Variants in MAN1C1 observed in about 807,000 individuals in gnomAD.
The protein encoded by MAN1C1 is mannosidase alpha class 1C member 1.
In MAN1C1, 49 loss-of-function variants were observed where a neutral mutation model predicts 71.5. That is an observed-to-expected ratio of 0.69 (90% CI 0.54 to 0.87). The LOEUF is 0.87. Ranked by LOEUF, MAN1C1 falls within the 40% of genes least tolerant of loss-of-function variation. The pLI is 0.00. For synonymous variants in MAN1C1, 352 were observed against 343.7 expected (o/e 1.02, Z -0.27); for missense variants, 743 against 835.0 (o/e 0.89, Z 1.36).
intron 2 of MAN1C1, among the ~76,000 whole-genome samples, chr1:25,697,172 C>G (rs2046380906): frequency 1.3e-5 from 2 of 151,950 alleles, no homozygotes; most frequent in Non-Finnish European, 2.9e-5. Context: ...ATGGCAGTTA[C>G]TCCTCATTTC....
chr1:25,618,251 C>T lies in MAN1C1; in HGVS notation c.454C>T (p.Leu152Phe), dbSNP rs776875346. Residue 152 changes from leucine (L) to phenylalanine (F), a missense_variant, in exon 1 of 12, where the codon CTC becomes TTC. Leu to Phe is a conservative substitution (Grantham distance 22, BLOSUM62 0). Coordinates refer to ENST00000374332, the MANE Select transcript of MAN1C1 (RefSeq NM_020379.4). Reference protein sequence around the residue: ...RFDFNAFRSRLRHPVLGTRAD... With the variant: ...RFDFNAFRSRFRHPVLGTRAD... The stretch of plus-strand genomic sequence containing the variant: ...TGACTTCAACGCATTCCGGAGCCGT[C>T]TCCGCCACCCGGTCCTGGGAACGAG... The T allele has an allele frequency of 1.2e-6, 2 of 1,602,980 alleles. No homozygotes were observed. The highest frequency in any genetic ancestry group is 1.7e-5 in the Admixed American group (1 of 57,884).
intron 2 of MAN1C1, among the ~76,000 whole-genome samples, chr1:25,742,651 A>T (rs1221485401): frequency 2.6e-5 from 4 of 152,226 alleles, no homozygotes; most frequent in Admixed American, 6.5e-5. Context: ...TAACCCTCCC[A>T]GGAGCCTTAT....
At chr1:25,742,542 A>G (rs777735874) in intron 2 of MAN1C1, among the ~76,000 whole-genome samples, 2 of 152,192 alleles carry the variant, frequency 1.3e-5, no homozygotes, top group African/African-American at 4.8e-5. Flanking sequence ...CACTGACCCA[A>G]GAAGATTTTT....
At chr1:25,767,466 A>ACTCCCCT in intron 7 of MAN1C1, among the ~76,000 whole-genome samples, 1 of 116,194 alleles carries the variant, frequency 8.6e-6, no homozygotes, top group Admixed American at 1.1e-4. Flanking sequence ...ACAGACCCAC[A>ACTCCCCT]CACCCACACT....
At chr1:25,677,531 G>A (rs2223484) in intron 1 of MAN1C1, among the ~76,000 whole-genome samples, 2,420 of 152,144 alleles carry the variant, frequency 0.016, 66 homozygotes, top group African/African-American at 0.055. Flanking sequence ...GATTGGTTCC[G>A]ACTGTCATGT....
At chr1:25,667,786 G>A (rs1259595813) in intron 1 of MAN1C1, among the ~76,000 whole-genome samples, 1 of 152,158 alleles carries the variant, frequency 6.6e-6, no homozygotes, top group Non-Finnish European at 1.5e-5. Context: ...TCTTGTAGGA[G>A]TGAGAAAACA....
chr1:25,781,279 G>C, intron 10 of MAN1C1, 167 bp downstream of exon 10: 1 of 716,646 alleles, frequency 1.4e-6, no homozygotes, highest in Non-Finnish European at 2.3e-6. Context: ...AGAGCCAAGA[G>C]TCCCCAGCTG....
intron 7 of MAN1C1, among the ~76,000 whole-genome samples, chr1:25,765,013 A>G (rs546224646): frequency 5.3e-5 from 8 of 152,256 alleles, no homozygotes; most frequent in African/African-American, 1.4e-4. Context: ...GCACCACTGC[A>G]CTTCAACCTG....
intron 1 of MAN1C1, among the ~76,000 whole-genome samples, chr1:25,669,433 T>C (rs2045966055): frequency 6.6e-6 from 1 of 152,056 alleles, no homozygotes; most frequent in Admixed American, 6.6e-5. Flanking sequence ...AAATATGTGA[T>C]CACATCTGGC....
chr1:25,622,110 C>A (rs1020371205), intron 1 of MAN1C1, among the ~76,000 whole-genome samples: 1 of 152,176 alleles, frequency 6.6e-6, no homozygotes, highest in Non-Finnish European at 1.5e-5. Context: ...GGTGCAGCAC[C>A]AGCATCACTC....
intron 10 of MAN1C1, 119 bp downstream of exon 10, chr1:25,781,231 C>T: frequency 9.2e-7 from 1 of 1,090,666 alleles, no homozygotes; most frequent in South Asian, 1.5e-5. Flanking sequence ...TGACCTCTGA[C>T]CACAGTTCAG....
At chr1:25,641,434 A>G (rs2045535660) in intron 1 of MAN1C1, among the ~76,000 whole-genome samples, 1 of 152,228 alleles carries the variant, frequency 6.6e-6, no homozygotes, top group Non-Finnish European at 1.5e-5. Context: ...TTAGAGGAAG[A>G]GTTTTCACTT....
chr1:25,774,321 T>A (rs1449543676), intron 8 of MAN1C1, among the ~76,000 whole-genome samples: 1 of 152,202 alleles, frequency 6.6e-6, no homozygotes, highest in African/African-American at 2.4e-5. Context: ...TGGCCTCCTC[T>A]GAGCTAGTGC....
chr1:25,675,363 C>A (rs918897033), intron 1 of MAN1C1, among the ~76,000 whole-genome samples: 1 of 152,178 alleles, frequency 6.6e-6, no homozygotes, highest in African/African-American at 2.4e-5. Flanking sequence ...TGAGTTACTT[C>A]ACTTAGAATA....
chr1:25,690,288 CTTTTTTT>C (rs33932251), intron 2 of MAN1C1, among the ~76,000 whole-genome samples: 1 of 119,762 alleles, frequency 8.3e-6, no homozygotes, highest in Non-Finnish European at 1.7e-5. Flanking sequence ...ATCTCTGCCT[CTTTTTTT>C]TTTTTTTTTT....
At chr1:25,700,187 A>G (rs550939556) in intron 2 of MAN1C1, among the ~76,000 whole-genome samples, 4 of 152,298 alleles carry the variant, frequency 2.6e-5, no homozygotes, top group African/African-American at 9.6e-5. Flanking sequence ...TTCTCCCCCA[A>G]TAACTTTGAA....
At position 25,781,012 on chromosome 1, in the gene MAN1C1, G is replaced by A. The variant is rs770358476; in HGVS notation, c.1550G>A (p.Ser517Asn). Residue 517 changes from serine (S) to asparagine (N), a missense_variant, in exon 10 of 12, where the codon AGC becomes AAC. Physicochemically the swap from Ser to Asn is conservative, Grantham distance 46 (BLOSUM62 1). Coordinates refer to ENST00000374332, the MANE Select transcript of MAN1C1 (RefSeq NM_020379.4). The stretch of plus-strand genomic sequence containing the variant: ...GCCGTGGCCACCCAGCTGAGCGAGA[G>A]CTACTACATCCTCCGGCCAGAGGTG... ...REAVATQLSE[S>N]YYILRPEVVE... is the part of the protein sequence containing the mutation. The A allele has an allele frequency of 2.5e-6, 4 of 1,614,066 alleles. No individual in the cohort carries two copies. Among genetic ancestry groups the A allele is most frequent in the Non-Finnish European group, 3.4e-6 (4 of 1,180,050 alleles).
intron 6 of MAN1C1, among the ~76,000 whole-genome samples, chr1:25,762,308 A>G (rs747791759): frequency 6.6e-6 from 1 of 151,836 alleles, no homozygotes; most frequent in Non-Finnish European, 1.5e-5. Context: ...TTTGTTTTGT[A>G]GAGACAGTTT....
chr1:25,686,645 A>G, intron 2 of MAN1C1, 109 bp downstream of exon 2: 1 of 870,924 alleles, frequency 1.1e-6, no homozygotes, highest in Non-Finnish European at 1.9e-6. Flanking sequence ...GGGGCTCCAC[A>G]GTTCTCCAGA....
Sources: allele counts gnomAD v4.1 joint callset (sites outside exome capture counted in the v4.1 genomes callset), GRCh38; gene constraint gnomAD v4.1.1; transcripts MANE v1.5; gene names NCBI Gene and HGNC (gene_info 2026-07-23, HGNC 2026-07-21).